The following MED12L variants were observed in gnomAD, a reference collection of about 807,000 sequenced individuals.
The protein encoded by MED12L is mediator complex subunit 12L, also known as mediator of RNA polymerase II transcription subunit 12-like protein.
MED12L carries 60 observed loss-of-function variants against 281.3 expected under a neutral mutation model. The observed-to-expected ratio is 0.21, with a 90% CI of 0.17 to 0.26. MED12L has a LOEUF of 0.26. Ranked by LOEUF, MED12L falls within the 10% of genes least tolerant of loss-of-function variation. MED12L has a pLI of 1.00. For synonymous variants in MED12L, 974 were observed against 987.2 expected (o/e 0.99, Z 0.25); for missense variants, 2,146 against 2,680.9 (o/e 0.80, Z 4.41).
intron 2 of MED12L, among the ~76,000 whole-genome samples, chr3:151,106,302 TTTCCTTCTCCCCTC>T (rs1722036071): frequency 2.0e-5 from 1 of 50,282 alleles, no homozygotes; most frequent in Non-Finnish European, 3.4e-5. Flanking sequence ...TCCTTTTCCT[TTTCCTTCTCCCCTC>T]CCCTCCCCTC....
chr3:151,382,674 G>A lies in MED12L; in HGVS notation c.4609G>A (p.Glu1537Lys), dbSNP rs1005458289. 1 of 1,610,342 alleles carries A rather than the reference G, an allele frequency of 6.2e-7. No individual in the cohort carries two copies. The highest frequency in any genetic ancestry group is 8.5e-7 in the Non-Finnish European group (1 of 1,178,380). Reference protein sequence around the residue: ...QVNQILSNWREERYQDDIKAR... With the variant: ...QVNQILSNWRKERYQDDIKAR... ...ATCTTAGATTTTAAGTAACTGGAGA[G>A]AAGAACGATACCAAGATGACATAAA... The change falls in exon 33 of 45, where the codon GAA becomes AAA. Residue 1537 changes from glutamate (E) to lysine (K), a missense_variant. By Grantham distance (56) the Glu-to-Lys change is moderately conservative (BLOSUM62 1). Coordinates refer to ENST00000687756, the MANE Select transcript of MED12L (RefSeq NM_001393769.1).
chr3:151,158,454 T>G (rs1476469681), intron 6 of MED12L, among the ~76,000 whole-genome samples: 1 of 152,102 alleles, frequency 6.6e-6, no homozygotes, highest in Non-Finnish European at 1.5e-5. Flanking sequence ...AAATTTTTTT[T>G]TTTCATTGTT....
chr3:151,359,704 G>A (rs4679802), intron 20 of MED12L, among the ~76,000 whole-genome samples: 132,202 of 152,134 alleles, frequency 0.87, 57,545 homozygotes, highest in Middle Eastern at 0.95. Context: ...AGCTTTTTTC[G>A]TCTTTAATAA....
Position 151,338,494 on chromosome 3 carries a change from T to C in MED12L, c.2251-11565T>C, listed in dbSNP as rs375376556. 1.2e-6 allele frequency: 2 copies of C among 1,613,878 alleles called. No individual in the cohort carries two copies. Among genetic ancestry groups the C allele is most frequent in the Non-Finnish European group, 1.7e-6 (2 of 1,180,018 alleles). ...GTCTTCTGGTAGCGATCGATAGTTA[T>C]CAGTCCCAGGAATGAAATACTGATA... On this transcript the variant is annotated intron_variant, in intron 16 of 44. Coordinates refer to ENST00000687756, the MANE Select transcript of MED12L (RefSeq NM_001393769.1).
In MED12L at chr3:151,328,060, T is replaced by A. The variant is rs752724201; in HGVS notation, c.2251-21999T>A. 7 of 1,608,982 alleles carry A rather than the reference T, an allele frequency of 4.4e-6. No homozygotes were observed. Among genetic ancestry groups the A allele is most frequent in the Non-Finnish European group, 5.9e-6 (7 of 1,178,218 alleles). On this transcript the variant is annotated intron_variant, in intron 16 of 44. Coordinates refer to ENST00000687756, the MANE Select transcript of MED12L (RefSeq NM_001393769.1). ...GGCTTGATGCTGTGGTCTTTCTCCC[T>A]TGCATACATGGTAGCTTTTCTGTGA...
At chr3:151,322,388 G>A (rs1020528054) in intron 16 of MED12L, among the ~76,000 whole-genome samples, 5 of 151,754 alleles carry the variant, frequency 3.3e-5, no homozygotes, top group Admixed American at 1.3e-4. Flanking sequence ...GTAGAGTTGC[G>A]GTTTTACCAT....
chr3:151,390,226 C>A, intron 38 of MED12L, 91 bp downstream of exon 38: 1 of 1,261,334 alleles, frequency 7.9e-7, no homozygotes, highest in Non-Finnish European at 1.1e-6. Context: ...AAAACTTGGA[C>A]ATTTCAACCA....
intron 39 of MED12L, among the ~76,000 whole-genome samples, chr3:151,401,229 GTTAT>G (rs2108295815): frequency 6.7e-6 from 1 of 148,606 alleles, no homozygotes; most frequent in Non-Finnish European, 1.5e-5. Flanking sequence ...ATATTAATAT[GTTAT>G]TTATTCATTC....
intron 11 of MED12L, among the ~76,000 whole-genome samples, chr3:151,171,401 G>C (rs890899459): frequency 6.6e-6 from 1 of 152,168 alleles, no homozygotes. Flanking sequence ...CAAGGACATG[G>C]ATAGAAGGGA....
chr3:151,231,502 A>C (rs1731663366), intron 16 of MED12L, among the ~76,000 whole-genome samples: 1 of 152,248 alleles, frequency 6.6e-6, no homozygotes, highest in African/African-American at 2.4e-5. Flanking sequence ...TACTTTTGTA[A>C]TAAACTGTAT....
At chr3:151,366,174 A>C (rs1755245632) in intron 23 of MED12L, among the ~76,000 whole-genome samples, 183 bp downstream of exon 23, 1 of 152,222 alleles carries the variant, frequency 6.6e-6, no homozygotes, top group African/African-American at 2.4e-5. Context: ...CATGAAAAAA[A>C]ATAGAAATAA....
At chr3:151,230,505 CT>C (rs913076596) in intron 16 of MED12L, among the ~76,000 whole-genome samples, 7 of 151,598 alleles carry the variant, frequency 4.6e-5, no homozygotes, top group Admixed American at 4.6e-4. Flanking sequence ...ATACACTACA[CT>C]TTGATGCTCA....
intron 16 of MED12L, among the ~76,000 whole-genome samples, chr3:151,324,622 C>T (rs1749369207): frequency 6.6e-6 from 1 of 152,154 alleles, no homozygotes; most frequent in African/African-American, 2.4e-5. Flanking sequence ...ACTTCTTGAT[C>T]TCTAAAATGA....
chr3:151,237,045 C>CT (rs56926535), intron 16 of MED12L, among the ~76,000 whole-genome samples: 6,740 of 125,794 alleles, frequency 0.054, 214 homozygotes, highest in Non-Finnish European at 0.066. Context: ...TGATGCCAAA[C>CT]TTTTTTTTTT....
chr3:151,332,250 A>G (rs1311865293), intron 16 of MED12L, among the ~76,000 whole-genome samples: 2 of 152,236 alleles, frequency 1.3e-5, no homozygotes, highest in South Asian at 2.1e-4. Context: ...GCCCAGTACC[A>G]TATAAATAAT....
intron 43 of MED12L, among the ~76,000 whole-genome samples, chr3:151,422,820 T>C (rs897589403): frequency 1.5e-3 from 7 of 4,826 alleles, no homozygotes; most frequent in African/African-American, 6.7e-3. Flanking sequence ...GATTCATTGC[T>C]TTTTTTTTTT....
intron 2 of MED12L, among the ~76,000 whole-genome samples, chr3:151,103,983 T>C (rs1721697869): frequency 6.6e-6 from 1 of 152,204 alleles, no homozygotes; most frequent in Admixed American, 6.5e-5. Flanking sequence ...GCTGTTTAAA[T>C]GTGAGGGAGT....
chr3:151,269,686 A>G (rs1740516458), intron 16 of MED12L: 1 of 417,008 alleles, frequency 2.4e-6, no homozygotes. Context: ...CAGGTTACAG[A>G]AAGATTTTTA....
rs1331269150 is a variant in MED12L, at chr3:151,242,082, G to A, written c.2250+48416G>A. On this transcript the variant is annotated intron_variant, in intron 16 of 44. Coordinates refer to ENST00000687756, the MANE Select transcript of MED12L (RefSeq NM_001393769.1). Reference sequence around the variant, plus strand: ...TTTTCCGACGGGCTTAAAAAACGGGGCACCACGAGATTATATCCCGCACCT... The same window carrying A: ...TTTTCCGACGGGCTTAAAAAACGGGACACCACGAGATTATATCCCGCACCT... Among the ~76,000 whole-genome samples, 3 of 151,740 alleles carry A rather than the reference G, an allele frequency of 2.0e-5. No homozygotes were observed. The East Asian group carries it at 5.8e-4, about 30-fold the overall frequency.
Sources: gnomAD v4.1 joint callset for allele counts (sites outside exome capture counted in the v4.1 genomes callset) on GRCh38, gnomAD v4.1.1 for gene constraint, MANE v1.5 for transcripts, NCBI Gene and HGNC (gene_info 2026-07-23, HGNC 2026-07-21) for gene names.